NEDD4L: variants seen among roughly 807,000 people sequenced by gnomAD.
NEDD4L encodes the protein NEDD4 like E3 ubiquitin protein ligase, also known as E3 ubiquitin-protein ligase NEDD4-like.
NEDD4L carries 54 observed loss-of-function variants against 148.9 expected under a neutral mutation model. The observed-to-expected ratio is 0.36, with a 90% CI of 0.29 to 0.45. NEDD4L has a LOEUF of 0.45. NEDD4L is among the 20% of genes least tolerant of loss of function. The pLI is 1.00. For missense variants in NEDD4L, 856 were observed against 1,233.8 expected, an observed-to-expected ratio of 0.69 and a Z score of 4.59; for synonymous variants, 433 against 440.7, an observed-to-expected ratio of 0.98 and a Z score of 0.22.
intron 2 of NEDD4L, among the ~76,000 whole-genome samples, chr18:58,180,378 T>C (rs1287743806): frequency 6.6e-6 from 1 of 151,674 alleles, no homozygotes; most frequent in Non-Finnish European, 1.5e-5. Flanking sequence ...ACTTAGCACA[T>C]GGCGCTAAGA....
intron 2 of NEDD4L, among the ~76,000 whole-genome samples, chr18:58,242,270 T>C (rs1488079968): frequency 6.6e-6 from 1 of 152,196 alleles, no homozygotes; most frequent in East Asian, 1.9e-4. Flanking sequence ...TTACCTTGGC[T>C]GTCATTTATG....
chr18:58,286,914 T>G (rs1260740365), intron 5 of NEDD4L, among the ~76,000 whole-genome samples: 1 of 152,214 alleles, frequency 6.6e-6, no homozygotes, highest in Non-Finnish European at 1.5e-5. Flanking sequence ...AGTAGAGATT[T>G]TCCCAGAAGG....
intron 2 of NEDD4L, chr18:58,189,696 G>A (rs1264725434): frequency 4.6e-5 from 7 of 152,134 alleles, no homozygotes; most frequent in African/African-American, 9.7e-5. Flanking sequence ...ACATGAACTC[G>A]TCTGTTGTAA....
At chr18:58,324,072 C>T (rs552987620) in intron 8 of NEDD4L, among the ~76,000 whole-genome samples, 168 of 152,346 alleles carry the variant, frequency 1.1e-3, no homozygotes, top group Non-Finnish European at 2.1e-3. Context: ...CCTGAGAGAT[C>T]ATATTTCCAG....
At chr18:58,129,980 A>C (rs903611792) in intron 1 of NEDD4L, among the ~76,000 whole-genome samples, 1 of 140,248 alleles carries the variant, frequency 7.1e-6, no homozygotes, top group Non-Finnish European at 1.5e-5. Context: ...GATCTAGTGG[A>C]ACTGTGGCGG....
intron 2 of NEDD4L, among the ~76,000 whole-genome samples, chr18:58,230,592 A>C (rs1452380441): frequency 6.6e-6 from 1 of 152,182 alleles, no homozygotes; most frequent in Non-Finnish European, 1.5e-5. Context: ...ATTCATTATC[A>C]GGTATGAGAT....
Position 58,396,212 on chromosome 18 carries a change from A to G in NEDD4L, c.2871A>G (p.Leu957=). The G allele has an allele frequency of 6.2e-7, 1 of 1,613,724 alleles. No individual in the cohort carries two copies. The highest frequency in any genetic ancestry group is 8.5e-7 in the Non-Finnish European group (1 of 1,179,724). The part of the protein sequence containing the change: ...DLPPYETFED[L]REKLLMAVEN... ...CTCCATATGAAACCTTTGAAGATTTACGAGAGAAACTTCTCATGGCCGTGG... is the reference window on the plus strand; with the variant it reads ...CTCCATATGAAACCTTTGAAGATTTGCGAGAGAAACTTCTCATGGCCGTGG... Residue 957 remains leucine (L), a synonymous_variant, in exon 31 of 31, where the codon TTA becomes TTG. Transcript: ENST00000400345.
chr18:58,120,508 G>T (rs1360828219), intron 1 of NEDD4L, among the ~76,000 whole-genome samples: 1 of 152,196 alleles, frequency 6.6e-6, no homozygotes, highest in African/African-American at 2.4e-5. Flanking sequence ...GGCCGGGCGT[G>T]GTGGCTCGCG....
chr18:58,299,383 A>T (rs1172565035), intron 5 of NEDD4L, among the ~76,000 whole-genome samples: 4 of 152,386 alleles, frequency 2.6e-5, no homozygotes, highest in Admixed American at 6.5e-5. Context: ...GAATTGCAGC[A>T]GAGCATATGA....
chr18:58,213,937 T>C (rs76747718), intron 2 of NEDD4L, among the ~76,000 whole-genome samples: 44,970 of 152,068 alleles, frequency 0.3, 7,142 homozygotes, highest in East Asian at 0.47. Flanking sequence ...TTTGTGCCTC[T>C]CGTTTGCCCC....
At chr18:58,312,672 T>TTTTG (rs140393997) in intron 5 of NEDD4L, among the ~76,000 whole-genome samples, 15 of 151,978 alleles carry the variant, frequency 9.9e-5, no homozygotes, top group Admixed American at 2.0e-4. Context: ...TGAAGACATT[T>TTTTG]TTTGTTTGTT....
At chr18:58,168,501 G>A (rs1348487232) in intron 2 of NEDD4L, among the ~76,000 whole-genome samples, 3 of 152,224 alleles carry the variant, frequency 2.0e-5, no homozygotes, top group Admixed American at 6.5e-5. Context: ...GAACCGCAAA[G>A]TGACTTCTGT....
chr18:58,251,974 A>T, intron 4 of NEDD4L, 27 bp from the exon 5 acceptor site: 1 of 1,344,982 alleles, frequency 7.4e-7, no homozygotes, highest in Non-Finnish European at 1.1e-6. Context: ...CTGCTCGTTT[A>T]AAAAATACTA....
At chr18:58,188,503 A>C (rs2039724513) in intron 2 of NEDD4L, among the ~76,000 whole-genome samples, 1 of 152,144 alleles carries the variant, frequency 6.6e-6, no homozygotes, top group Non-Finnish European at 1.5e-5. Flanking sequence ...CAAGGACCTG[A>C]AGTGACATGG....
At chr18:58,132,543 C>G (rs779202389) in intron 1 of NEDD4L, among the ~76,000 whole-genome samples, 1 of 152,192 alleles carries the variant, frequency 6.6e-6, no homozygotes, top group African/African-American at 2.4e-5. Context: ...CCAGAATGCT[C>G]TTAGCAAGTT....
intron 17 of NEDD4L, among the ~76,000 whole-genome samples, chr18:58,350,154 C>T (rs1351890919): frequency 6.6e-6 from 1 of 152,154 alleles, no homozygotes; most frequent in African/African-American, 2.4e-5. Flanking sequence ...TCCTCAACAA[C>T]TCACTCTCAG....
In NEDD4L at chr18:58,401,532, A is replaced by G. The variant is rs770053023; in HGVS notation, c.*5263A>G. The G allele has an allele frequency of 1.4e-4, 22 of 152,202 alleles. No individual in the cohort carries two copies. Among genetic ancestry groups the G allele is most frequent in the Non-Finnish European group, 2.9e-4 (20 of 68,030 alleles). The allele number at this position is 152,202 out of a possible 1,614,324, so 9.4% of individuals were successfully genotyped here. On this transcript the variant is annotated 3_prime_UTR_variant, in exon 31 of 31. Coordinates refer to ENST00000400345, the MANE Select transcript of NEDD4L (RefSeq NM_001144967.3). ...AATAAAGAATTATGGAAGCTGGAAC[A>G]TTTTCTACATCAAGTGTTATGGGTT...
intron 4 of NEDD4L, among the ~76,000 whole-genome samples, chr18:58,249,175 C>G (rs1268033492): frequency 2.6e-5 from 4 of 151,992 alleles, no homozygotes; most frequent in African/African-American, 4.8e-5. Context: ...ATCCAAACAC[C>G]ATGTTTCATC....
intron 2 of NEDD4L, among the ~76,000 whole-genome samples, chr18:58,222,753 T>G (rs1030471344): frequency 2.0e-5 from 3 of 152,226 alleles, no homozygotes; most frequent in South Asian, 2.1e-4. Context: ...TAAAAATGTA[T>G]CAACAATATG....
Sources: gnomAD v4.1 joint callset for allele counts (sites outside exome capture counted in the v4.1 genomes callset) on GRCh38, gnomAD v4.1.1 for gene constraint, MANE v1.5 for transcripts, NCBI Gene and HGNC (gene_info 2026-07-23, HGNC 2026-07-21) for gene names.